Variants in THOC7 observed in about 807,000 individuals in gnomAD.
The protein encoded by THOC7 is NIF3L1-binding protein 1.
In THOC7, 22 loss-of-function variants were observed where a neutral mutation model predicts 33.1. The observed-to-expected ratio is 0.66, with a 90% CI of 0.47 to 0.95. The LOEUF is 0.95. Ranked by LOEUF, THOC7 falls within the 40% of genes least tolerant of loss-of-function variation. The probability of loss-of-function intolerance (pLI) is 0.00; values close to 1 mark genes in which losing one functional copy is unlikely to be tolerated. For synonymous variants in THOC7, 77 were observed against 76.8 expected (o/e 1.00, Z -0.01); for missense variants, 184 against 245.3 (o/e 0.75, Z 1.67).
At chr3:63,862,238 G>A (rs1422387393) in intron 1 of THOC7, among the ~76,000 whole-genome samples, 2 of 152,132 alleles carry the variant, frequency 1.3e-5, no homozygotes, top group African/African-American at 4.8e-5. Context: ...ACATCTTGGG[G>A]TCTTTATACA....
intron 1 of THOC7, among the ~76,000 whole-genome samples, chr3:63,850,654 T>C (rs1702000600): frequency 7.0e-6 from 1 of 143,860 alleles, no homozygotes; most frequent in African/African-American, 2.6e-5. Context: ...TGGCACAATC[T>C]CGGCTCACTG....
chr3:63,834,741 C>G (rs969497549), intron 7 of THOC7, among the ~76,000 whole-genome samples: 1 of 151,980 alleles, frequency 6.6e-6, no homozygotes, highest in Non-Finnish European at 1.5e-5. Context: ...AAAATTTCCA[C>G]TTGCCTATAG....
At chr3:63,856,723 A>AT (rs559642524) in intron 1 of THOC7, among the ~76,000 whole-genome samples, 4,896 of 145,424 alleles carry the variant, frequency 0.034, 112 homozygotes, top group South Asian at 0.069. Flanking sequence ...AGCATTATAG[A>AT]TTTTTTTTTT....
intron 6 of THOC7, 48 bp from the exon 7 acceptor site, chr3:63,835,271 T>C (rs1349009447): frequency 1.2e-6 from 2 of 1,612,556 alleles, no homozygotes; most frequent in East Asian, 2.2e-5. Context: ...TATATATAGA[T>C]ATATAGACAG....
intron 2 of THOC7, 128 bp from the exon 3 acceptor site, chr3:63,838,627 A>G: frequency 1.1e-6 from 1 of 903,682 alleles, no homozygotes; most frequent in Non-Finnish European, 1.6e-6. Flanking sequence ...GCTTATTTAA[A>G]ATTTAGAATA....
At chr3:63,857,262 C>CT (rs1028299874) in intron 1 of THOC7, among the ~76,000 whole-genome samples, 1 of 152,092 alleles carries the variant, frequency 6.6e-6, no homozygotes, top group East Asian at 1.9e-4. Flanking sequence ...ACATGTAGTA[C>CT]TTTTTTTATG....
Position 63,837,954 on chromosome 3 carries a change from TTAAATCCC to T in THOC7, c.352+14_352+21del, listed in dbSNP as rs1701669047. 1.3e-6 allele frequency: 2 copies of T among 1,599,912 alleles called. No individual in the cohort carries two copies. Among genetic ancestry groups the T allele is most frequent in the African/African-American group, 2.7e-5 (2 of 74,078 alleles). On this transcript the variant is annotated intron_variant, in intron 4 of 7. Transcript: ENST00000295899. ...TAGTCAGTAATAATGTATTTGCACA[TTAAATCCC>T]TCAAAACCCTTACCTTGGCGATTTT...
At chr3:63,860,593 G>C (rs1426475458) in intron 1 of THOC7, 11 of 152,088 alleles carry the variant, frequency 7.2e-5, no homozygotes, top group Admixed American at 7.2e-4. Context: ...GAGCAGACGA[G>C]GTCCTGCCTC....
rs1236996086 is a variant in THOC7, at chr3:63,857,247, T to C, written c.19+6525A>G. ...CATATTGTGCATTTCTTCTTGAATT[T>C]ACTGACATGTAGTACTTTTTTTATG... On this transcript the variant is annotated intron_variant, in intron 1 of 7. Transcript: ENST00000295899. 2.0e-5 allele frequency among the ~76,000 whole-genome samples: 3 copies of C among 152,230 alleles called. No individual in the cohort carries two copies. In the East Asian group the frequency reaches 5.8e-4, roughly 29 times the overall value.
At chr3:63,860,357 C>T (rs903547858) in intron 1 of THOC7, among the ~76,000 whole-genome samples, 28 of 152,150 alleles carry the variant, frequency 1.8e-4, no homozygotes, top group African/African-American at 6.3e-4. Flanking sequence ...CCTCTACTGG[C>T]TTTAGAATGT....
chr3:63,862,375 C>A (rs1159746688), intron 1 of THOC7, among the ~76,000 whole-genome samples: 1 of 152,198 alleles, frequency 6.6e-6, no homozygotes, highest in Non-Finnish European at 1.5e-5. Context: ...CCTACAGTTC[C>A]CAACCTTGTA....
rs534360606 is a variant in THOC7 at position 63,848,204 on chromosome 3, T to C, written c.20-8431A>G. Among the ~76,000 whole-genome samples, 4 of 152,342 alleles carry C rather than the reference T, an allele frequency of 2.6e-5. No homozygotes were observed. The South Asian group carries it at 8.3e-4, about 32-fold the overall frequency. Reference sequence around the variant, plus strand: ...CTTCCCTTTCCAGGTCTTTTCCTGATCCAGGAGAGATTAAGAGTCTGGCAC... The same window carrying C: ...CTTCCCTTTCCAGGTCTTTTCCTGACCCAGGAGAGATTAAGAGTCTGGCAC... On this transcript the variant is annotated intron_variant, in intron 1 of 7. Transcript: ENST00000295899.
chr3:63,841,058 C>G (rs1222003869), intron 1 of THOC7, among the ~76,000 whole-genome samples: 3 of 152,166 alleles, frequency 2.0e-5, no homozygotes, highest in Non-Finnish European at 4.4e-5. Context: ...AATGATGAAA[C>G]ATTCACATAA....
At position 63,835,318 on chromosome 3, in the gene THOC7, G is replaced by A. The variant is rs759751230; in HGVS notation, c.477+6C>T. On this transcript the variant is annotated splice_donor_region_variant and intron_variant, in intron 6 of 7. Coordinates refer to ENST00000295899, the MANE Select transcript of THOC7 (RefSeq NM_025075.4). ...GATCATGAAGGCTAAATATATATGC[G>A]AATACCTTATCTTCAACACTTTCTT... 5.6e-6 allele frequency: 9 copies of A among 1,613,174 alleles called. No individual in the cohort carries two copies. Among genetic ancestry groups the A allele is most frequent in the African/African-American group, 2.7e-5 (2 of 74,834 alleles).
At chr3:63,861,860 T>C (rs1000312104) in intron 1 of THOC7, 2 of 152,064 alleles carry the variant, frequency 1.3e-5, no homozygotes, top group Non-Finnish European at 2.9e-5. Flanking sequence ...TGGCGCGATC[T>C]TGGCTCACTG....
chr3:63,849,908 G>A (rs1206833435), intron 1 of THOC7, among the ~76,000 whole-genome samples: 1 of 152,170 alleles, frequency 6.6e-6, no homozygotes, highest in Non-Finnish European at 1.5e-5. Context: ...ACAACTCGAT[G>A]TAAATTTCAA....
chr3:63,839,895 C>A, intron 1 of THOC7, 122 bp from the exon 2 acceptor site: 1 of 744,756 alleles, frequency 1.3e-6, no homozygotes, highest in Non-Finnish European at 2.2e-6. Context: ...GCATTTAATG[C>A]CACTGAACTG....
chr3:63,854,468 T>G (rs1392726025), intron 1 of THOC7: 1 of 152,254 alleles, frequency 6.6e-6, no homozygotes, highest in African/African-American at 2.4e-5. Flanking sequence ...TGGTCTATCC[T>G]GTAAAAACAG....
At chr3:63,837,895 T>G in intron 4 of THOC7, 81 bp downstream of exon 4, 4 of 1,294,954 alleles carry the variant, frequency 3.1e-6, no homozygotes, top group Non-Finnish European at 3.2e-6. Flanking sequence ...GCTGCAGATT[T>G]TACCTCACAA....
Sources: gnomAD v4.1 joint callset for allele counts (sites outside exome capture counted in the v4.1 genomes callset) on GRCh38, gnomAD v4.1.1 for gene constraint, MANE v1.5 for transcripts, NCBI Gene and HGNC (gene_info 2026-07-23, HGNC 2026-07-21) for gene names.